Variants in SAXO1 observed in about 807,000 individuals in gnomAD.
SAXO1 encodes 4930500O09Rik.
SAXO1 carries 21 observed loss-of-function variants against 17.5 expected under a neutral mutation model. That is an observed-to-expected ratio of 1.20 (90% confidence interval 0.85 to 1.72). SAXO1 has a LOEUF of 1.72. SAXO1 is among the 40% of genes most tolerant of loss of function. SAXO1 has a pLI of 0.00. For missense variants in SAXO1, 843 were observed against 596.0 expected, an observed-to-expected ratio of 1.41 and a Z score of -4.32; for synonymous variants, 274 against 216.5, an observed-to-expected ratio of 1.27 and a Z score of -2.33.
At chr9:19,030,413 A>AC (rs58377842) in intron 1 of SAXO1, among the ~76,000 whole-genome samples, 8,843 of 152,290 alleles carry the variant, frequency 0.058, 284 homozygotes, top group African/African-American at 0.082. Context: ...AGACTTTAGA[A>AC]AAGAGTCAAT....
chr9:19,038,371 T>C (rs916636084), intron 1 of SAXO1, among the ~76,000 whole-genome samples: 2 of 151,940 alleles, frequency 1.3e-5, no homozygotes, highest in African/African-American at 2.4e-5. Context: ...TGTCCAACAA[T>C]GATAGACTGG....
At chr9:19,046,719 AATT>A (rs1378115689) in intron 1 of SAXO1, among the ~76,000 whole-genome samples, 50 of 151,658 alleles carry the variant, frequency 3.3e-4, no homozygotes, top group African/African-American at 1.1e-3. Context: ...AAAAAAAAAA[AATT>A]AAGCATAGTG....
At chr9:19,019,070 T>C (rs189816828) in intron 1 of SAXO1, among the ~76,000 whole-genome samples, 254 of 151,872 alleles carry the variant, frequency 1.7e-3, no homozygotes, top group African/African-American at 5.8e-3. Flanking sequence ...GATCATGCCA[T>C]TGCACTCCAG....
At chr9:19,028,709 T>C (rs993316201) in intron 1 of SAXO1, among the ~76,000 whole-genome samples, 1 of 152,204 alleles carries the variant, frequency 6.6e-6, no homozygotes, top group Non-Finnish European at 1.5e-5. Flanking sequence ...AGTAGAGCAT[T>C]GTTGTGGAGG....
intron 1 of SAXO1, among the ~76,000 whole-genome samples, chr9:19,029,110 G>C (rs1182151158): frequency 1.3e-5 from 2 of 152,140 alleles, no homozygotes; most frequent in Non-Finnish European, 2.9e-5. Context: ...CAGCAGCTGT[G>C]GGCAGCTGCT....
chr9:19,029,582 G>C (rs950540054), intron 1 of SAXO1, among the ~76,000 whole-genome samples: 1 of 152,146 alleles, frequency 6.6e-6, no homozygotes, highest in Non-Finnish European at 1.5e-5. Flanking sequence ...TGGGGTGGGA[G>C]GGATTTAATT....
chr9:18,983,003 C>T (rs1833457160), intron 1 of SAXO1, among the ~76,000 whole-genome samples: 1 of 151,754 alleles, frequency 6.6e-6, no homozygotes, highest in Admixed American at 6.6e-5. Flanking sequence ...GGAAGGGCTT[C>T]AAACATGAGG....
At chr9:18,969,169 G>A (rs57534858) in intron 1 of SAXO1, among the ~76,000 whole-genome samples, 27,858 of 152,076 alleles carry the variant, frequency 0.18, 5,371 homozygotes, top group African/African-American at 0.49. Context: ...AGGCTAATAG[G>A]CTTTAGTCCA....
intron 1 of SAXO1, among the ~76,000 whole-genome samples, chr9:19,029,920 T>C (rs942335571): frequency 3.9e-5 from 6 of 152,184 alleles, no homozygotes; most frequent in African/African-American, 9.7e-5. Flanking sequence ...CAAAAAGATA[T>C]GTGTTAGCTG....
intron 1 of SAXO1, among the ~76,000 whole-genome samples, chr9:18,957,886 G>T (rs4977270): frequency 0.77 from 117,654 of 152,144 alleles, 45,572 homozygotes; most frequent in Middle Eastern, 0.83. Context: ...TTTAAAATAT[G>T]TATTTACTAA....
At chr9:19,018,523 C>G (rs59273023) in intron 1 of SAXO1, among the ~76,000 whole-genome samples, 1 of 152,202 alleles carries the variant, frequency 6.6e-6, no homozygotes, top group Admixed American at 6.5e-5. Flanking sequence ...AGTCAATACA[C>G]GCTGTTGGAA....
chr9:19,032,847 T>G, intron 1 of SAXO1, 24 bp downstream of exon 1: 5 of 1,608,642 alleles, frequency 3.1e-6, no homozygotes, highest in Non-Finnish European at 4.2e-6. Flanking sequence ...TCCCCCAGCC[T>G]TGCCCTGGGC....
chr9:18,978,232 T>C (rs532860789), intron 1 of SAXO1, among the ~76,000 whole-genome samples: 199 of 151,656 alleles, frequency 1.3e-3, no homozygotes, highest in African/African-American at 4.7e-3. Flanking sequence ...ATGAGAGTGA[T>C]GAATTTTTTT....
intron 1 of SAXO1, among the ~76,000 whole-genome samples, chr9:18,977,185 C>A (rs962330255): frequency 6.6e-6 from 1 of 152,172 alleles, no homozygotes; most frequent in Non-Finnish European, 1.5e-5. Context: ...AACAGAAACT[C>A]CCACCATGCT....
Position 19,024,496 on chromosome 9 carries a change from T to C in SAXO1, c.38+8375A>G, listed in dbSNP as rs1341580381. ...ATTAGGAGATATACCTAATGCTAAATGACGAGTTAATGGGTGCAGCACACC... is the reference window on the plus strand; with the variant it reads ...ATTAGGAGATATACCTAATGCTAAACGACGAGTTAATGGGTGCAGCACACC... On this transcript the variant is annotated intron_variant, in intron 1 of 3. Transcript: ENST00000380534. Among the ~76,000 whole-genome samples, 4 of 152,028 alleles carry C rather than the reference T, an allele frequency of 2.6e-5. No homozygotes were observed. In the East Asian group the frequency reaches 7.7e-4, roughly 29 times the overall value.
chr9:19,027,315 T>C (rs1463102458), intron 1 of SAXO1: 20 of 813,930 alleles, frequency 2.5e-5, no homozygotes, highest in Non-Finnish European at 1.3e-5. Context: ...CAAAGACTCC[T>C]ATCCAATCCT....
intron 1 of SAXO1, chr9:19,026,967 A>C: frequency 2.2e-6 from 2 of 905,072 alleles, no homozygotes; most frequent in South Asian, 2.6e-5. Context: ...GGAGGAGATC[A>C]TCCAGCGCAC....
intron 1 of SAXO1, among the ~76,000 whole-genome samples, chr9:19,007,223 T>C (rs932609101): frequency 1.3e-5 from 2 of 151,490 alleles, no homozygotes; most frequent in South Asian, 2.1e-4. Flanking sequence ...GGTGCACGCC[T>C]GTAGTCCCAG....
At chr9:19,043,996 T>C (rs1483331719) in intron 1 of SAXO1, among the ~76,000 whole-genome samples, 1 of 151,834 alleles carries the variant, frequency 6.6e-6, no homozygotes, top group Non-Finnish European at 1.5e-5. Flanking sequence ...AATACAAAAA[T>C]TAGCCAGGTT....
Sources: gnomAD v4.1 joint callset for allele counts (sites outside exome capture counted in the v4.1 genomes callset) on GRCh38, gnomAD v4.1.1 for gene constraint, MANE v1.5 for transcripts, NCBI Gene and HGNC (gene_info 2026-07-23, HGNC 2026-07-21) for gene names.